The following SNX29 variants were observed in gnomAD, a reference collection of about 807,000 sequenced individuals.
The protein encoded by SNX29 is sorting nexin-29.
SNX29 carries 78 observed loss-of-function variants against 102.1 expected under a neutral mutation model. The ratio of observed to expected loss-of-function variants is 0.76; its 90% CI spans 0.64 to 0.92. The LOEUF (loss-of-function observed/expected upper bound fraction) is 0.92, where lower values mean the gene tolerates loss of function less well. Among genes scored for constraint, SNX29 ranks in the 40% least tolerant of loss-of-function variants. The pLI, the probability that SNX29 is intolerant of heterozygous loss-of-function variation, is 0.00. For missense variants in SNX29, 1,280 were observed against 1,061.7 expected (o/e 1.21, Z -2.86); for synonymous variants, 580 against 414.5 (o/e 1.40, Z -4.85).
At chr16:12,117,000 TG>T (rs2053740531) in intron 11 of SNX29, among the ~76,000 whole-genome samples, 1 of 146,256 alleles carries the variant, frequency 6.8e-6, no homozygotes, top group Non-Finnish European at 1.5e-5. Flanking sequence ...GAAACAGGCG[TG>T]GTCAATACGT....
intron 18 of SNX29, among the ~76,000 whole-genome samples, chr16:12,447,424 A>AC (rs757372023): frequency 3.1e-4 from 47 of 152,210 alleles, no homozygotes; most frequent in Non-Finnish European, 5.6e-4. Flanking sequence ...AATCCTGGAT[A>AC]CCCCCAAAGA....
At chr16:12,135,482 G>A in intron 13 of SNX29, 1 of 1,306,872 alleles carries the variant, frequency 7.7e-7, no homozygotes, top group Non-Finnish European at 1.0e-6. Context: ...AGGATGGTCT[G>A]ATAAGAGCCA....
At position 12,572,332 on chromosome 16, in the gene SNX29, C is replaced by G; in HGVS notation, c.*3703C>G. ...AGGTTGGAAACAGGAGTGAAGCCCA[C>G]CAGCCTGCCTGGTTGATGGACAGCA... On this transcript the variant is annotated 3_prime_UTR_variant, in exon 21 of 21. Coordinates refer to ENST00000566228, the MANE Select transcript of SNX29 (RefSeq NM_032167.5). The G allele has an allele frequency of 2.8e-6, 3 of 1,063,204 alleles. No homozygotes were observed. The highest frequency in any genetic ancestry group is 3.4e-6 in the Non-Finnish European group (3 of 877,928). 65.9% of individuals were successfully genotyped at this position (1,063,204 alleles called of 1,614,324 possible).
At chr16:12,532,640 A>G (rs1567663387) in intron 20 of SNX29, among the ~76,000 whole-genome samples, 1 of 152,206 alleles carries the variant, frequency 6.6e-6, no homozygotes, top group Non-Finnish European at 1.5e-5. Context: ...ATTTCCTGAT[A>G]TAAAACGTGG....
At chr16:12,540,209 A>C (rs1223825626) in intron 20 of SNX29, among the ~76,000 whole-genome samples, 1 of 152,128 alleles carries the variant, frequency 6.6e-6, no homozygotes, top group Non-Finnish European at 1.5e-5. Context: ...GGATTGGGTC[A>C]AGGTTAACCT....
intron 15 of SNX29, among the ~76,000 whole-genome samples, chr16:12,312,105 A>G (rs184147301): frequency 1.3e-5 from 2 of 152,144 alleles, no homozygotes; most frequent in Non-Finnish European, 2.9e-5. Flanking sequence ...AAGCTGGGAA[A>G]TGTAGTCTTT....
chr16:12,045,686 C>T (rs1029260263), intron 5 of SNX29, among the ~76,000 whole-genome samples: 2 of 150,470 alleles, frequency 1.3e-5, no homozygotes, highest in Admixed American at 1.3e-4. Flanking sequence ...AGCTGGAGTA[C>T]AGTGGCGCGA....
intron 13 of SNX29, among the ~76,000 whole-genome samples, chr16:12,161,643 G>A (rs925202192): frequency 2.6e-5 from 4 of 152,136 alleles, no homozygotes; most frequent in Non-Finnish European, 5.9e-5. Flanking sequence ...ATTGGGTCAC[G>A]GGGACAGGTG....
intron 16 of SNX29, among the ~76,000 whole-genome samples, chr16:12,388,857 C>G (rs909517875): frequency 5.9e-5 from 9 of 152,278 alleles, no homozygotes; most frequent in Middle Eastern, 3.4e-3. Flanking sequence ...AAGGGATATT[C>G]TATTTGCAAG....
chr16:12,437,081 C>A (rs564064090), intron 18 of SNX29, among the ~76,000 whole-genome samples: 3 of 152,224 alleles, frequency 2.0e-5, no homozygotes, highest in Non-Finnish European at 4.4e-5. Context: ...TGTGTTCCAG[C>A]TTAGAATGAG....
At chr16:12,150,605 A>T (rs1196511148) in intron 13 of SNX29, among the ~76,000 whole-genome samples, 1 of 152,192 alleles carries the variant, frequency 6.6e-6, no homozygotes, top group Non-Finnish European at 1.5e-5. Flanking sequence ...GGTAATTGTG[A>T]CCAGGAACAG....
chr16:12,475,183 T>G (rs1000429406), intron 18 of SNX29, among the ~76,000 whole-genome samples: 18 of 152,230 alleles, frequency 1.2e-4, no homozygotes, highest in Non-Finnish European at 2.6e-4. Context: ...GGTGAGTTTG[T>G]GCATTACATC....
intron 18 of SNX29, 97 bp from the exon 19 acceptor site, chr16:12,477,622 C>T: frequency 2.1e-6 from 3 of 1,430,746 alleles, no homozygotes; most frequent in Middle Eastern, 2.1e-4. Context: ...AGATGTGACT[C>T]TTGCTGCAGT....
intron 18 of SNX29, among the ~76,000 whole-genome samples, chr16:12,451,822 C>G (rs1029668875): frequency 6.6e-6 from 1 of 152,208 alleles, no homozygotes; most frequent in Non-Finnish European, 1.5e-5. Context: ...CCAGATCGCG[C>G]CACTGCATTC....
intron 20 of SNX29, among the ~76,000 whole-genome samples, chr16:12,552,171 G>A (rs556854114): frequency 1.3e-5 from 2 of 152,308 alleles, no homozygotes; most frequent in African/African-American, 4.8e-5. Flanking sequence ...TACTAATCCT[G>A]CAGAAAGGGA....
At chr16:12,128,828 T>C (rs1236353866) in intron 12 of SNX29, among the ~76,000 whole-genome samples, 1 of 152,184 alleles carries the variant, frequency 6.6e-6, no homozygotes, top group Admixed American at 6.5e-5. Flanking sequence ...TGGTTGGTAA[T>C]TGTTTTCCAG....
At chr16:12,453,208 T>G (rs1234302486) in intron 18 of SNX29, among the ~76,000 whole-genome samples, 1 of 152,206 alleles carries the variant, frequency 6.6e-6, no homozygotes, top group African/African-American at 2.4e-5. Context: ...CCTGGCCCTA[T>G]TCACCTGTCC....
At position 12,144,714 on chromosome 16, in the gene SNX29, C is replaced by T. The variant is rs1268673351; in HGVS notation, c.1595+14956C>T. On this transcript the variant is annotated intron_variant, in intron 13 of 20. Transcript: ENST00000566228. ...AGCAGCACAAAACAGACTGAGACGGCTTGCTTTGTGGGTATTTATTTTTTT... is the reference window on the plus strand; with the variant it reads ...AGCAGCACAAAACAGACTGAGACGGTTTGCTTTGTGGGTATTTATTTTTTT... Among the ~76,000 whole-genome samples, 5 of 152,350 alleles carry T rather than the reference C, an allele frequency of 3.3e-5. No homozygotes were observed. In the East Asian group the frequency reaches 9.6e-4, roughly 29 times the overall value.
At chr16:12,218,193 TTA>T (rs1477905490) in intron 14 of SNX29, among the ~76,000 whole-genome samples, 2 of 152,250 alleles carry the variant, frequency 1.3e-5, no homozygotes, top group Non-Finnish European at 2.9e-5. Flanking sequence ...ATTTAATACT[TTA>T]TTAGATTTTT....
Sources: gnomAD v4.1 joint callset for allele counts (sites outside exome capture counted in the v4.1 genomes callset) on GRCh38, gnomAD v4.1.1 for gene constraint, MANE v1.5 for transcripts, NCBI Gene and HGNC (gene_info 2026-07-23, HGNC 2026-07-21) for gene names.